GAK: variants seen among roughly 807,000 people sequenced by gnomAD.
GAK encodes cyclin-G-associated kinase.
In GAK, 79 loss-of-function variants were observed where a neutral mutation model predicts 143.9. That is an observed-to-expected ratio of 0.55 (90% CI 0.46 to 0.66). GAK has a LOEUF of 0.66. GAK is among the 30% of genes least tolerant of loss of function. The probability of loss-of-function intolerance (pLI) is 0.00; values close to 1 mark genes in which losing one functional copy is unlikely to be tolerated. For synonymous variants in GAK, 881 were observed against 765.5 expected, an observed-to-expected ratio of 1.15 and a Z score of -2.49; for missense variants, 1,693 against 1,779.7, an observed-to-expected ratio of 0.95 and a Z score of 0.88.
At chr4:866,791 A>G (rs1488249096) in intron 21 of GAK, among the ~76,000 whole-genome samples, 165 bp downstream of exon 21, 1 of 152,206 alleles carries the variant, frequency 6.6e-6, no homozygotes. Context: ...TCAGGTGGGC[A>G]GCACAGAACC....
chr4:866,271 C>T, intron 22 of GAK, 93 bp downstream of exon 22: 5 of 1,342,592 alleles, frequency 3.7e-6, no homozygotes, highest in Non-Finnish European at 4.2e-6. Context: ...AGCCCCACCA[C>T]TGCCTGAGAC....
At chr4:875,058 C>T (rs957983483) in intron 18 of GAK, among the ~76,000 whole-genome samples, 9 of 152,148 alleles carry the variant, frequency 5.9e-5, no homozygotes, top group African/African-American at 1.9e-4. Context: ...GGTGAAATTC[C>T]CATCATTCCC....
chr4:892,755 C>G (rs1717922178), intron 9 of GAK, among the ~76,000 whole-genome samples: 2 of 152,232 alleles, frequency 1.3e-5, no homozygotes, highest in Non-Finnish European at 2.9e-5. Flanking sequence ...GCTGGCTGAC[C>G]TGGCTTGGAC....
Position 911,470 on chromosome 4 carries a change from C to T in GAK, c.382+203G>A, listed in dbSNP as rs576376936. On this transcript the variant is annotated intron_variant, in intron 4 of 27. Coordinates refer to ENST00000314167, the MANE Select transcript of GAK (RefSeq NM_005255.4). Reference sequence around the variant, plus strand: ...CGAGGAGACGATGCAGGTGGCCCACCGGGACAGTGGGAAGCTCACTGGGCG... The same window carrying T: ...CGAGGAGACGATGCAGGTGGCCCACTGGGACAGTGGGAAGCTCACTGGGCG... Among the ~76,000 whole-genome samples, 14 of 152,344 alleles carry T rather than the reference C, an allele frequency of 9.2e-5. No homozygotes were observed. The Middle Eastern group carries it at 0.01, about 111-fold the overall frequency.
Position 896,482 on chromosome 4 carries a change from A to G in GAK, c.719T>C (p.Ile240Thr). ...EIIDLYSNFP[I>T]GEKQDIWALG... ...CACCCAGATATCCTGCTTCTCGCCG[A>G]TCGGGAAGTTGGAATACAAGTCTAT... The change falls in exon 7 of 28, where the codon ATC (isoleucine) becomes ACC (threonine). Residue 240 changes from isoleucine to threonine, a missense_variant. Coordinates refer to ENST00000314167, the MANE Select transcript of GAK (RefSeq NM_005255.4). 1 of 1,614,030 alleles carries G rather than the reference A, an allele frequency of 6.2e-7. No individual in the cohort carries two copies. Among genetic ancestry groups the G allele is most frequent in the Non-Finnish European group, 8.5e-7 (1 of 1,179,898 alleles).
chr4:921,083 C>CA (rs1723853050), intron 1 of GAK, among the ~76,000 whole-genome samples: 1 of 151,996 alleles, frequency 6.6e-6, no homozygotes, highest in South Asian at 2.1e-4. Flanking sequence ...CCACACAAAT[C>CA]AATCCAGGTG....
At chr4:889,589 A>T (rs1289939730) in intron 10 of GAK, among the ~76,000 whole-genome samples, 1 of 152,056 alleles carries the variant, frequency 6.6e-6, no homozygotes, top group East Asian at 1.9e-4. Flanking sequence ...CAGCCACTAC[A>T]CCTGCATGTG....
At chr4:881,292 G>A (rs1355895350) in intron 15 of GAK, among the ~76,000 whole-genome samples, 1 of 152,208 alleles carries the variant, frequency 6.6e-6, no homozygotes, top group South Asian at 2.1e-4. Flanking sequence ...TCAGAGGCTA[G>A]GAGGCTGCTC....
chr4:868,956 G>A (rs1711686288), intron 19 of GAK: 3 of 471,838 alleles, frequency 6.4e-6, no homozygotes, highest in South Asian at 2.4e-5. Flanking sequence ...GGCATCAAAC[G>A]CCACACATAT....
chr4:914,595 C>A (rs1722732235), intron 1 of GAK, among the ~76,000 whole-genome samples: 1 of 129,474 alleles, frequency 7.7e-6, no homozygotes, highest in African/African-American at 3.0e-5. Context: ...TGCACGGCCC[C>A]ACACACATAG....
rs771491360 is a variant in GAK at position 888,840 on chromosome 4, C to T, written c.1205+7G>A. On this transcript the variant is annotated splice_region_variant and intron_variant, in intron 11 of 27. Transcript: ENST00000314167. The stretch of plus-strand genomic sequence containing the variant: ...GCAGGTCCAGGGCTCTGGAGCCTCA[C>T]ACTCACTTAGCGACGGACTGGATGA... 2 of 1,599,630 alleles carry T rather than the reference C, an allele frequency of 1.3e-6. No individual in the cohort carries two copies. The highest frequency in any genetic ancestry group is 2.3e-5 in the East Asian group (1 of 44,332).
chr4:922,800 T>TAG (rs1419933354), intron 1 of GAK, among the ~76,000 whole-genome samples: 1 of 152,196 alleles, frequency 6.6e-6, no homozygotes, highest in African/African-American at 2.4e-5. Flanking sequence ...ACTGCACTCT[T>TAG]AAACATTTAT....
In GAK at chr4:863,290, T is replaced by C. The variant is rs73064410; in HGVS notation, c.3166+1832A>G. On this transcript the variant is annotated intron_variant, in intron 23 of 27. Transcript: ENST00000314167. The stretch of plus-strand genomic sequence containing the variant: ...CTGCAATCTCAGGATGAAACCTGAA[T>C]GGATGAGGAGTTGCTTCTTACGGAT... 4.9e-3 allele frequency among the ~76,000 whole-genome samples: 751 copies of C among 152,338 alleles called. 20 individuals carry two copies. In the South Asian group the frequency reaches 0.059, roughly 12 times the overall value.
At chr4:859,072 G>A (rs1749796173) in intron 24 of GAK, 1 of 727,404 alleles carries the variant, frequency 1.4e-6, no homozygotes, top group Non-Finnish European at 1.7e-6. Context: ...TCTTGGGAGT[G>A]AACCCAGAGA....
intron 7 of GAK, among the ~76,000 whole-genome samples, chr4:896,066 G>A (rs1427697062): frequency 2.0e-5 from 3 of 152,188 alleles, no homozygotes; most frequent in African/African-American, 4.8e-5. Context: ...GTTCGAGACC[G>A]GCCTGGGCGA....
At position 882,057 on chromosome 4, in the gene GAK, C is replaced by G. The variant is rs192177604; in HGVS notation, c.1528-17G>C. 12 of 1,588,664 alleles carry G rather than the reference C, an allele frequency of 7.6e-6. No individual in the cohort carries two copies. The highest frequency in any genetic ancestry group is 5.7e-5 in the South Asian group (5 of 87,984). ...TCTCCCGTCCTAGGACAGACAGACA[C>G]GTCTCGCGTGCGCCTCGCACTCATG... On this transcript the variant is annotated splice_polypyrimidine_tract_variant and intron_variant, in intron 14 of 27. Coordinates refer to ENST00000314167, the MANE Select transcript of GAK (RefSeq NM_005255.4).
intron 4 of GAK, among the ~76,000 whole-genome samples, chr4:909,596 C>G (rs973772406): frequency 1.3e-5 from 2 of 152,152 alleles, no homozygotes; most frequent in Non-Finnish European, 2.9e-5. Flanking sequence ...CTCACCAAAT[C>G]GCGAGGATCT....
intron 23 of GAK, among the ~76,000 whole-genome samples, chr4:862,461 C>A (rs1237107856): frequency 6.6e-6 from 1 of 152,102 alleles, no homozygotes. Flanking sequence ...GAGATCGAGA[C>A]CATCCTGGCT....
chr4:924,516 C>T (rs1435655927), intron 1 of GAK, among the ~76,000 whole-genome samples: 1 of 139,978 alleles, frequency 7.1e-6, no homozygotes, highest in Non-Finnish European at 1.5e-5. Context: ...GTTCTCGGCA[C>T]CTTTATTCAT....
Sources: gnomAD v4.1 joint callset for allele counts (sites outside exome capture counted in the v4.1 genomes callset) on GRCh38, gnomAD v4.1.1 for gene constraint, MANE v1.5 for transcripts, NCBI Gene and HGNC (gene_info 2026-07-23, HGNC 2026-07-21) for gene names.